The following HSD17B12 variants were observed in gnomAD, a reference collection of about 807,000 sequenced individuals.
The protein encoded by HSD17B12 is very-long-chain 3-oxoacyl-CoA reductase.
In HSD17B12, 32 loss-of-function variants were observed where a neutral mutation model predicts 39.3. The ratio of observed to expected loss-of-function variants is 0.81; its 90% CI spans 0.61 to 1.09. The LOEUF (loss-of-function observed/expected upper bound fraction) is 1.09, where lower values mean the gene tolerates loss of function less well. Among genes scored for constraint, HSD17B12 ranks in the 50% least tolerant of loss-of-function variants. HSD17B12 has a pLI of 0.00. For missense variants in HSD17B12, 342 were observed against 382.9 expected, an observed-to-expected ratio of 0.89 and a Z score of 0.89; for synonymous variants, 150 against 146.7, an observed-to-expected ratio of 1.02 and a Z score of -0.16.
the HSD17B12 span, among the ~76,000 whole-genome samples, chr11:43,571,912 T>G: frequency 1.3e-5 from 2 of 152,220 alleles, no homozygotes; most frequent in African/African-American, 2.4e-5. Context: ...TTATGCATGC[T>G]GTGGCCTATC....
At chr11:43,591,537 C>T in the HSD17B12 span, among the ~76,000 whole-genome samples, 1 of 152,014 alleles carries the variant, frequency 6.6e-6, no homozygotes, top group Non-Finnish European at 1.5e-5. Context: ...TGAGGATTAG[C>T]TATTAGCTTT....
intron 1 of HSD17B12, among the ~76,000 whole-genome samples, chr11:43,717,144 T>C (rs1426477571): frequency 6.6e-6 from 1 of 152,186 alleles, no homozygotes; most frequent in Non-Finnish European, 1.5e-5. Context: ...ACAATATTGA[T>C]GTGCTAATAA....
At chr11:43,566,284 G>A in the HSD17B12 span, among the ~76,000 whole-genome samples, 1 of 152,164 alleles carries the variant, frequency 6.6e-6, no homozygotes, top group Non-Finnish European at 1.5e-5. Context: ...CAGAAAAGGG[G>A]TGAGGAGCTC....
At chr11:43,851,160 T>C (rs1466581120) in intron 9 of HSD17B12, among the ~76,000 whole-genome samples, 2 of 152,208 alleles carry the variant, frequency 1.3e-5, no homozygotes, top group African/African-American at 4.8e-5. Context: ...TATGGCCTAA[T>C]TAATTATTTG....
intron 3 of HSD17B12, among the ~76,000 whole-genome samples, chr11:43,757,659 A>AC (rs1194271793): frequency 9.0e-5 from 13 of 143,950 alleles, no homozygotes; most frequent in African/African-American, 3.1e-4. Context: ...AAAAAAAAAA[A>AC]AAAAAAAACA....
At chr11:43,668,868 T>A in the HSD17B12 span, among the ~76,000 whole-genome samples, 1 of 151,940 alleles carries the variant, frequency 6.6e-6, no homozygotes. Context: ...AAAAAAAATT[T>A]TTTTTTTAGA....
At chr11:43,655,896 G>GT in the HSD17B12 span, among the ~76,000 whole-genome samples, 1 of 152,158 alleles carries the variant, frequency 6.6e-6, no homozygotes, top group African/African-American at 2.4e-5. Context: ...TCAGCCTTTG[G>GT]TATCAGGATG....
chr11:43,753,367 C>G (rs1294536773), intron 2 of HSD17B12, among the ~76,000 whole-genome samples: 2 of 146,472 alleles, frequency 1.4e-5, no homozygotes, highest in African/African-American at 2.5e-5. Context: ...TTTTATATAT[C>G]CATTCTGCAG....
At chr11:43,668,870 T>C in the HSD17B12 span, among the ~76,000 whole-genome samples, 1 of 152,106 alleles carries the variant, frequency 6.6e-6, no homozygotes, top group South Asian at 2.1e-4. Context: ...AAAAAATTTT[T>C]TTTTTAGAGA....
At chr11:43,843,793 C>G (rs926706564) in intron 9 of HSD17B12, among the ~76,000 whole-genome samples, 2 of 152,206 alleles carry the variant, frequency 1.3e-5, no homozygotes, top group Non-Finnish European at 2.9e-5. Flanking sequence ...TCTTTGGGCT[C>G]TCGTTGGAGC....
chr11:43,661,067 G>A, the HSD17B12 span, among the ~76,000 whole-genome samples: 1 of 152,190 alleles, frequency 6.6e-6, no homozygotes, highest in African/African-American at 2.4e-5. Flanking sequence ...AGAGGTTGCA[G>A]TGAGCTAAGA....
At chr11:43,719,331 C>A (rs1950155111) in intron 1 of HSD17B12, among the ~76,000 whole-genome samples, 1 of 152,148 alleles carries the variant, frequency 6.6e-6, no homozygotes, top group East Asian at 1.9e-4. Flanking sequence ...TGTTTGATCA[C>A]TCCAGAGATC....
At chr11:43,598,278 C>T in the HSD17B12 span, among the ~76,000 whole-genome samples, 34 of 152,254 alleles carry the variant, frequency 2.2e-4, no homozygotes, top group Non-Finnish European at 3.2e-4. Context: ...ATCCTGCACC[C>T]GTTAAGTGTC....
chr11:43,596,106 G>A, the HSD17B12 span, among the ~76,000 whole-genome samples: 847 of 152,234 alleles, frequency 5.6e-3, 4 homozygotes, highest in Middle Eastern at 0.01. Flanking sequence ...GGCCAGGCTG[G>A]TCTGAAACTC....
intron 4 of HSD17B12, among the ~76,000 whole-genome samples, chr11:43,804,092 T>TGTG (rs1950996628): frequency 1.3e-5 from 2 of 152,300 alleles, no homozygotes; most frequent in Non-Finnish European, 2.9e-5. Flanking sequence ...CAAATTCTAC[T>TGTG]ACTATGACTT....
chr11:43,615,713 A>G, the HSD17B12 span, among the ~76,000 whole-genome samples: 1 of 152,100 alleles, frequency 6.6e-6, no homozygotes, highest in Non-Finnish European at 1.5e-5. Context: ...TCAGTTTTAT[A>G]TGTGTTTATA....
chr11:43,816,479 A>G (rs1951124115), intron 6 of HSD17B12, 88 bp downstream of exon 6: 13 of 1,148,582 alleles, frequency 1.1e-5, no homozygotes, highest in Non-Finnish European at 1.5e-5. Flanking sequence ...ACCTGAGTCT[A>G]CTCTTGTTTA....
At chr11:43,615,110 C>T in the HSD17B12 span, among the ~76,000 whole-genome samples, 6 of 152,028 alleles carry the variant, frequency 3.9e-5, no homozygotes, top group Admixed American at 3.3e-4. Context: ...TTTATTCTGT[C>T]AGGTGATTAA....
chr11:43,792,216 T>C (rs1950873923), intron 3 of HSD17B12, among the ~76,000 whole-genome samples: 1 of 152,064 alleles, frequency 6.6e-6, no homozygotes, highest in Admixed American at 6.5e-5. Context: ...TGGAGAGAAA[T>C]TGGTTAGGGT....
Sources: gnomAD v4.1 joint callset for allele counts (sites outside exome capture counted in the v4.1 genomes callset) on GRCh38, gnomAD v4.1.1 for gene constraint, MANE v1.5 for transcripts, NCBI Gene and HGNC (gene_info 2026-07-23, HGNC 2026-07-21) for gene names.